The following SCAP variants were observed in gnomAD, a reference collection of about 807,000 sequenced individuals.
The protein encoded by SCAP is SREBF chaperone.
Under a neutral mutation model 123.6 loss-of-function variants are expected in SCAP, and 65 were observed. That is an observed-to-expected ratio of 0.53 (90% CI 0.43 to 0.65). The LOEUF (loss-of-function observed/expected upper bound fraction) is 0.65, where lower values mean the gene tolerates loss of function less well. SCAP is among the 30% of genes least tolerant of loss of function. SCAP has a pLI of 0.00. For missense variants in SCAP, 1,398 were observed against 1,712.5 expected, an observed-to-expected ratio of 0.82 and a Z score of 3.24; for synonymous variants, 740 against 726.3, an observed-to-expected ratio of 1.02 and a Z score of -0.30.
chr3:47,453,437 G>T (rs1707295892), intron 1 of SCAP, among the ~76,000 whole-genome samples: 1 of 151,526 alleles, frequency 6.6e-6, no homozygotes, highest in East Asian at 1.9e-4. Flanking sequence ...TTGCACAAAA[G>T]TTCTGAATGG....
At chr3:47,427,283 G>A in intron 5 of SCAP, 21 bp from the exon 6 acceptor site, 1 of 1,597,944 alleles carries the variant, frequency 6.3e-7, no homozygotes, top group Non-Finnish European at 8.6e-7. Context: ...AAACCAGCAG[G>A]TACTGACACA....
intron 18 of SCAP, among the ~76,000 whole-genome samples, chr3:47,415,703 G>T (rs2107748282): frequency 6.6e-6 from 1 of 152,304 alleles, no homozygotes; most frequent in Admixed American, 6.5e-5. Flanking sequence ...CTGACAGGCA[G>T]GGATGGGTAT....
chr3:47,434,276 A>T (rs1476208471), intron 3 of SCAP, among the ~76,000 whole-genome samples: 1 of 152,198 alleles, frequency 6.6e-6, no homozygotes, highest in African/African-American at 2.4e-5. Context: ...CAGCAAGTCC[A>T]GCACGAATCC....
In SCAP at chr3:47,427,174, G is replaced by T. The variant is rs372981910; in HGVS notation, c.720C>A (p.Phe240Leu). The T allele has an allele frequency of 6.2e-6, 10 of 1,613,448 alleles. No individual in the cohort carries two copies. Among genetic ancestry groups the T allele is most frequent in the Non-Finnish European group, 6.8e-6 (8 of 1,179,544 alleles). The change falls in exon 6 of 23, where the codon TTC (phenylalanine) becomes TTA (leucine). Residue 240 changes from phenylalanine to leucine, a missense_variant. By Grantham distance (22) the Phe-to-Leu change is conservative. This residue lies in a region of SCAP where 319 missense variants were observed against 432.4 expected (regional missense o/e 0.74). Coordinates refer to ENST00000265565, the MANE Select transcript of SCAP (RefSeq NM_012235.4). ...AATCTTACTTGGCATGGTAGTGCTG[G>T]AAGACCAGGGTGATGGTGTAGGAGA... Reference protein sequence around the residue: ...RMVSYTITLVFQHYHAKFLGS... With the variant: ...RMVSYTITLVLQHYHAKFLGS...
At chr3:47,422,360 A>G in intron 10 of SCAP, 82 bp downstream of exon 10, 1 of 1,241,662 alleles carries the variant, frequency 8.1e-7, no homozygotes, top group African/African-American at 1.5e-5. Flanking sequence ...TGAAGAGGGG[A>G]GCACCCTGCC....
intron 18 of SCAP, among the ~76,000 whole-genome samples, chr3:47,415,501 G>A (rs1372939142): frequency 6.6e-6 from 1 of 152,056 alleles, no homozygotes; most frequent in Non-Finnish European, 1.5e-5. Flanking sequence ...ACAAGCAGAG[G>A]GCTCCATGTA....
rs1707896658 is a variant in SCAP, at chr3:47,467,997, G to C, written c.-99+7802C>G. The stretch of plus-strand genomic sequence containing the variant: ...TGGTTTTCTGTCCTTGCGATAGTTT[G>C]CTCAGAATGATGGTTTCCAGCTTCA... On this transcript the variant is annotated intron_variant, in intron 1 of 22. Coordinates refer to ENST00000265565, the MANE Select transcript of SCAP (RefSeq NM_012235.4). Among the ~76,000 whole-genome samples, 3 of 151,390 alleles carry C rather than the reference G, an allele frequency of 2.0e-5. No individual in the cohort carries two copies. In the Admixed American group the frequency reaches 2.0e-4, roughly 10 times the overall value.
chr3:47,438,463 T>C lies in SCAP; in HGVS notation c.123-3326A>G, dbSNP rs370538144. 2.6e-5 allele frequency among the ~76,000 whole-genome samples: 4 copies of C among 152,186 alleles called. No homozygotes were observed. The East Asian group carries it at 7.7e-4, about 29-fold the overall frequency. On this transcript the variant is annotated intron_variant, in intron 2 of 22. Transcript: ENST00000265565. ...AATTCATTTAGGGCTGCTCTGCCTA[T>C]GGAGCAGCCATTCTTTATTCCTTTA...
chr3:47,415,167 G>C lies in SCAP; in HGVS notation c.3070C>G (p.Arg1024Gly), dbSNP rs375413175. 1.9e-6 allele frequency: 3 copies of C among 1,611,606 alleles called. No individual in the cohort carries two copies. Among genetic ancestry groups the C allele is most frequent in the Non-Finnish European group, 2.5e-6 (3 of 1,179,308 alleles). Residue 1024 changes from arginine (R) to glycine (G), a missense_variant, in exon 19 of 23, where the codon CGG becomes GGG. Transcript: ENST00000265565. ...VFLDKRIVAARLNGSLDFFSL... is the reference protein window; with the variant it reads ...VFLDKRIVAAGLNGSLDFFSL... ...AAGAAATCAAGGGAACCGTTGAGCC[G>C]TGCAGCCACAATCCTGGAAGAGAAG...
Position 47,418,497 on chromosome 3 carries a change from C to G in SCAP, c.2155G>C (p.Gly719Arg), listed in dbSNP as rs1401343676. Residue 719 changes from glycine to arginine, a missense_variant, in exon 15 of 23, where the codon GGC (glycine) becomes CGC (arginine). By Grantham distance (125) the Gly-to-Arg change is moderately radical. This residue lies in a region of SCAP where 828 missense variants were observed against 882.5 expected (regional missense o/e 0.94). Coordinates refer to ENST00000265565, the MANE Select transcript of SCAP (RefSeq NM_012235.4). ...YKVAALGLAT[G>R]IVLVLLLLCL... ...AGCAGCAGCAGCACCAAGACGATGC[C>G]GGTGGCCAGGCCCAGCGCCGCCACC... 5 of 1,598,808 alleles carry G rather than the reference C, an allele frequency of 3.1e-6. No individual in the cohort carries two copies. Among genetic ancestry groups the G allele is most frequent in the Non-Finnish European group, 4.3e-6 (5 of 1,174,142 alleles).
rs181310417 is a variant in SCAP, at chr3:47,461,468, G to T, written c.-99+14331C>A. ...TCCAAATGTTCACAGTCACTTCTCA[G>T]ACTGGAACTTGCTTGCCTTCCAGAC... On this transcript the variant is annotated intron_variant, in intron 1 of 22. Coordinates refer to ENST00000265565, the MANE Select transcript of SCAP (RefSeq NM_012235.4). 8.9e-4 allele frequency among the ~76,000 whole-genome samples: 135 copies of T among 152,290 alleles called. 1 individual carries two copies. Among genetic ancestry groups the T allele is most frequent in the Non-Finnish European group, 1.7e-3 (114 of 68,024 alleles).
chr3:47,427,414 T>C (rs1405015721), intron 5 of SCAP, 33 bp downstream of exon 5: 1 of 1,605,678 alleles, frequency 6.2e-7, no homozygotes, highest in Non-Finnish European at 8.5e-7. Context: ...TGGGCACCTT[T>C]ACAGGTCTGA....
intron 14 of SCAP, 25 bp downstream of exon 14, chr3:47,418,630 A>ACCCCCC: frequency 3.4e-6 from 1 of 295,310 alleles, no homozygotes; most frequent in Non-Finnish European, 4.8e-6. Context: ...ACTCTTTCCC[A>ACCCCCC]CCCCACCCCA....
intron 1 of SCAP, among the ~76,000 whole-genome samples, chr3:47,448,286 A>AT (rs1156994220): frequency 1.3e-5 from 2 of 152,006 alleles, no homozygotes; most frequent in African/African-American, 2.4e-5. Flanking sequence ...TAGTACATTG[A>AT]TTTTTTTATG....
Position 47,419,797 on chromosome 3 carries a change from T to C in SCAP, c.1564-93A>G. On this transcript the variant is annotated intron_variant, in intron 12 of 22. Transcript: ENST00000265565. The surrounding 1 kb of genome is among the most constrained non-coding windows in gnomAD (Gnocchi z 5.0). The stretch of plus-strand genomic sequence containing the variant: ...GCTGAGAGGAAGCAGCACAGGGACC[T>C]CAGGCCTGGGGATGGAGAGAGGACA... The C allele has an allele frequency of 7.0e-7, 1 of 1,432,742 alleles. No homozygotes were observed. The highest frequency in any genetic ancestry group is 9.3e-7 in the Non-Finnish European group (1 of 1,075,708). 88.8% of individuals were successfully genotyped at this position (1,432,742 alleles called of 1,614,324 possible).
At chr3:47,464,649 C>T (rs937509051) in intron 1 of SCAP, among the ~76,000 whole-genome samples, 1 of 152,176 alleles carries the variant, frequency 6.6e-6, no homozygotes, top group Non-Finnish European at 1.5e-5. Flanking sequence ...TCACAGCTTA[C>T]ATCACACTTG....
chr3:47,420,486 A>G lies in SCAP; in HGVS notation c.1563+68T>C, dbSNP rs531233200. The G allele has an allele frequency of 7.2e-7, 1 of 1,393,366 alleles. No homozygotes were observed. Among genetic ancestry groups the G allele is most frequent in the South Asian group, 1.4e-5 (1 of 73,132 alleles). 86.3% of individuals were successfully genotyped at this position (1,393,366 alleles called of 1,614,324 possible). ...CCTTTGCCACTCTAAGGCCAAGTGC[A>G]GCACCACAAGGGGCCTGGAGCACCG... On this transcript the variant is annotated intron_variant, in intron 12 of 22. Coordinates refer to ENST00000265565, the MANE Select transcript of SCAP (RefSeq NM_012235.4). This position sits in a 1 kb window ranked among gnomAD's most constrained non-coding sequence, Gnocchi z 5.0.
At chr3:47,442,278 T>C (rs1322732901) in intron 2 of SCAP, among the ~76,000 whole-genome samples, 1 of 152,180 alleles carries the variant, frequency 6.6e-6, no homozygotes, top group African/African-American at 2.4e-5. Context: ...TTGTCAGCCA[T>C]AGCCTTCAGG....
At chr3:47,414,448 T>A (rs565067857) in intron 21 of SCAP, 62 bp from the exon 22 acceptor site, 1 of 1,602,052 alleles carries the variant, frequency 6.2e-7, no homozygotes, top group Non-Finnish European at 8.5e-7. Flanking sequence ...AACAGTGGTG[T>A]CCCTGTGCCC....
Sources: allele counts gnomAD v4.1 joint callset (sites outside exome capture counted in the v4.1 genomes callset), GRCh38; gene constraint gnomAD v4.1.1; regional missense constraint gnomAD v4.1.1; non-coding constraint Gnocchi (gnomAD v3.1); transcripts MANE v1.5; gene names NCBI Gene and HGNC (gene_info 2026-07-23, HGNC 2026-07-21).